FAM110B: variants seen among roughly 807,000 people sequenced by gnomAD.
FAM110B encodes protein FAM110B.
Under a neutral mutation model 20.4 loss-of-function variants are expected in FAM110B, and 6 were observed. The ratio of observed to expected loss-of-function variants is 0.29; its 90% confidence interval spans 0.16 to 0.58. The LOEUF (loss-of-function observed/expected upper bound fraction) is 0.58. Among genes scored for constraint, FAM110B ranks in the 20% least tolerant of loss-of-function variants. The pLI, the probability that FAM110B is intolerant of heterozygous loss-of-function variation, is 0.90. For missense variants in FAM110B, 434 were observed against 498.2 expected (o/e 0.87, Z 1.23); for synonymous variants, 226 against 214.1 (o/e 1.06, Z -0.49).
At chr8:58,001,985 C>T (rs566836263) in intron 1 of FAM110B, among the ~76,000 whole-genome samples, 4 of 151,874 alleles carry the variant, frequency 2.6e-5, no homozygotes, top group Non-Finnish European at 4.4e-5. Flanking sequence ...AGTATAAGGT[C>T]AGGAAAATAT....
At chr8:58,093,310 A>G (rs1045394289) in intron 3 of FAM110B, among the ~76,000 whole-genome samples, 1 of 152,170 alleles carries the variant, frequency 6.6e-6, no homozygotes, top group Non-Finnish European at 1.5e-5. Context: ...TGTTTTAGTC[A>G]TGAAGTCCTT....
At chr8:58,142,291 C>A (rs1803759656) in intron 3 of FAM110B, among the ~76,000 whole-genome samples, 1 of 152,166 alleles carries the variant, frequency 6.6e-6, no homozygotes, top group Admixed American at 6.5e-5. Flanking sequence ...TCAAAGGCAA[C>A]AAACAGCATC....
chr8:58,026,872 C>T (rs1168422316), intron 1 of FAM110B, among the ~76,000 whole-genome samples: 2 of 152,178 alleles, frequency 1.3e-5, no homozygotes, highest in Non-Finnish European at 2.9e-5. Context: ...CAAATAAATT[C>T]CTCCTCAGGC....
Position 58,146,312 on chromosome 8 carries a change from C to T in FAM110B, c.82C>T (p.Arg28Cys). ...AGTFTSAVPL[R>C]ILNKGPDYFR... ...CACCTTCACCTCTGCTGTGCCCCTG[C>T]GCATCCTGAACAAGGGGCCAGACTA... Residue 28 changes from arginine to cysteine, a missense_variant, in exon 4 of 4, where the codon CGC becomes TGC. Arg to Cys is a radical substitution (Grantham distance 180). This residue lies in a region of FAM110B where 56 missense variants were observed against 82.1 expected (regional missense o/e 0.68). Transcript: ENST00000519262. 3 of 1,614,002 alleles carry T rather than the reference C, an allele frequency of 1.9e-6. No individual in the cohort carries two copies. Among genetic ancestry groups the T allele is most frequent in the Non-Finnish European group, 1.7e-6 (2 of 1,179,996 alleles).
intron 1 of FAM110B, among the ~76,000 whole-genome samples, chr8:58,029,950 T>C (rs937977014): frequency 3.3e-5 from 5 of 152,182 alleles, no homozygotes; most frequent in African/African-American, 1.2e-4. Flanking sequence ...CTCTTTGCTA[T>C]TTTCTCCCTT....
intron 1 of FAM110B, among the ~76,000 whole-genome samples, chr8:58,018,831 T>C (rs532992879): frequency 1.6e-4 from 24 of 152,096 alleles, no homozygotes; most frequent in African/African-American, 5.8e-4. Context: ...GATAGATAGA[T>C]AGATAGATAG....
intron 3 of FAM110B, among the ~76,000 whole-genome samples, chr8:58,120,925 A>G (rs1243368749): frequency 6.6e-6 from 1 of 152,184 alleles, no homozygotes; most frequent in Non-Finnish European, 1.5e-5. Context: ...GAGTGTCCCC[A>G]TAAGAAACAT....
chr8:58,100,306 A>G (rs1806746349), intron 3 of FAM110B, among the ~76,000 whole-genome samples: 1 of 151,184 alleles, frequency 6.6e-6, no homozygotes, highest in Non-Finnish European at 1.5e-5. Context: ...TATTCCCATC[A>G]GATACATTCT....
intron 1 of FAM110B, among the ~76,000 whole-genome samples, chr8:58,016,827 G>A (rs1483612223): frequency 6.6e-6 from 1 of 152,158 alleles, no homozygotes; most frequent in Non-Finnish European, 1.5e-5. Context: ...GTGTGTCCAG[G>A]AAAAGCTTTC....
At chr8:58,129,641 G>A (rs2150633079) in intron 3 of FAM110B, among the ~76,000 whole-genome samples, 1 of 152,206 alleles carries the variant, frequency 6.6e-6, no homozygotes, top group South Asian at 2.1e-4. Context: ...TCGAGGCTCA[G>A]GACCATAAAG....
chr8:58,018,706 C>T (rs1804684511), intron 1 of FAM110B, among the ~76,000 whole-genome samples: 1 of 151,950 alleles, frequency 6.6e-6, no homozygotes, highest in South Asian at 2.1e-4. Context: ...TTCTTTCTTG[C>T]CTCACTTTGG....
chr8:58,079,036 G>A (rs1806115868), intron 3 of FAM110B, among the ~76,000 whole-genome samples: 1 of 151,982 alleles, frequency 6.6e-6, no homozygotes, highest in African/African-American at 2.4e-5. Context: ...TGAGAGGTTT[G>A]TACCTTGTCA....
intron 3 of FAM110B, among the ~76,000 whole-genome samples, chr8:58,104,158 T>C (rs1806852654): frequency 6.6e-6 from 1 of 152,238 alleles, no homozygotes. Flanking sequence ...ACACATTGAT[T>C]GGATAAGATG....
At chr8:58,096,040 T>C (rs767001326) in intron 3 of FAM110B, among the ~76,000 whole-genome samples, 14 of 152,354 alleles carry the variant, frequency 9.2e-5, no homozygotes, top group Non-Finnish European at 1.6e-4. Context: ...AACTCTGTTT[T>C]ATCAGAGACT....
At chr8:58,100,577 TGG>T (rs1211056440) in intron 3 of FAM110B, among the ~76,000 whole-genome samples, 8 of 152,220 alleles carry the variant, frequency 5.3e-5, no homozygotes, top group Admixed American at 3.9e-4. Context: ...GCTGGTTTGC[TGG>T]CCATCTTCGG....
intron 2 of FAM110B, among the ~76,000 whole-genome samples, chr8:58,033,856 C>T (rs1313570509): frequency 6.6e-6 from 1 of 152,196 alleles, no homozygotes. Context: ...CTGACCGTCT[C>T]TTACCCTGGC....
intron 3 of FAM110B, among the ~76,000 whole-genome samples, chr8:58,125,574 T>C (rs541325450): frequency 2.0e-4 from 30 of 152,306 alleles, no homozygotes; most frequent in African/African-American, 7.0e-4. Flanking sequence ...AGAGACTTCA[T>C]TTTAAAATTT....
At chr8:58,003,477 T>C (rs1166010296) in intron 1 of FAM110B, among the ~76,000 whole-genome samples, 1 of 152,246 alleles carries the variant, frequency 6.6e-6, no homozygotes, top group African/African-American at 2.4e-5. Flanking sequence ...CCTGGATACA[T>C]CAGAGCAATC....
Position 58,146,446 on chromosome 8 carries a change from G to A in FAM110B, c.216G>A (p.Gln72=). ...GCCAGGAGGTGATCAACGCCAAGCAGGAGCCCGTGAAGCCCGCCGTGCTGG... is the reference window on the plus strand; with the variant it reads ...GCCAGGAGGTGATCAACGCCAAGCAAGAGCCCGTGAAGCCCGCCGTGCTGG... ...VKSQEVINAK[Q]EPVKPAVLAK... is the part of the protein sequence containing the mutation. Residue 72 remains glutamine, a synonymous_variant, in exon 4 of 4, where the codon CAG becomes CAA. Coordinates refer to ENST00000519262, the MANE Select transcript of FAM110B (RefSeq NM_001377989.1). 6.2e-7 allele frequency: 1 copy of A among 1,613,644 alleles called. No homozygotes were observed. Among genetic ancestry groups the A allele is most frequent in the Non-Finnish European group, 8.5e-7 (1 of 1,179,714 alleles).
Sources: gnomAD v4.1 joint callset for allele counts (sites outside exome capture counted in the v4.1 genomes callset) on GRCh38, gnomAD v4.1.1 for gene constraint, gnomAD v4.1.1 regional missense constraint, MANE v1.5 for transcripts, NCBI Gene and HGNC (gene_info 2026-07-23, HGNC 2026-07-21) for gene names.